The following PVT1 variants were observed in gnomAD, a reference collection of about 807,000 sequenced individuals.
PVT1 encodes the protein CXCR4/PVT1 fusion.
Position 128,027,376 on chromosome 8 carries a change from G to T in PVT1, n.912+38085G>T, listed in dbSNP as rs867723991. Among the ~76,000 whole-genome samples, 14 of 152,232 alleles carry T rather than the reference G, an allele frequency of 9.2e-5. 1 individual carries two copies. Among genetic ancestry groups the T allele is most frequent in the African/African-American group, 3.4e-4 (14 of 41,456 alleles). ...ACCCACAAGGTGGTGATTCCCTTGG[G>T]AGTGGGCAGCATGCAGTCAGAAGGG... On this transcript the variant is annotated intron_variant and non_coding_transcript_variant, in intron 4 of 10. Coordinates refer to ENST00000651587, the Ensembl canonical transcript of PVT1.
At chr8:127,879,095 G>C (rs1815436618) in intron 2 of PVT1, among the ~76,000 whole-genome samples, 1 of 152,210 alleles carries the variant, frequency 6.6e-6, no homozygotes, top group Admixed American at 6.5e-5. Flanking sequence ...TTGATGCTTT[G>C]GAAATCTCTA....
intron 3 of PVT1, among the ~76,000 whole-genome samples, chr8:127,958,818 G>T (rs1305699801): frequency 6.6e-6 from 1 of 152,156 alleles, no homozygotes; most frequent in African/African-American, 2.4e-5. Context: ...TAGCACGAAT[G>T]ATCCCATAGC....
intron 3 of PVT1, among the ~76,000 whole-genome samples, chr8:127,973,721 G>A (rs147194033): frequency 0.038 from 5,387 of 143,560 alleles, 314 homozygotes; most frequent in African/African-American, 0.13. Context: ...GCTCACACCT[G>A]TAATCCCAGC....
chr8:128,001,132 G>T (rs1410952049), intron 4 of PVT1, among the ~76,000 whole-genome samples: 2 of 152,050 alleles, frequency 1.3e-5, no homozygotes, highest in Non-Finnish European at 2.9e-5. Context: ...CCACCCCACC[G>T]CCTACCGCCC....
At chr8:127,872,688 G>A (rs1815364117) in intron 2 of PVT1, among the ~76,000 whole-genome samples, 1 of 152,190 alleles carries the variant, frequency 6.6e-6, no homozygotes, top group South Asian at 2.1e-4. Flanking sequence ...CTGTACTTTG[G>A]CAGAGAATTT....
chr8:128,011,574 C>G (rs963998107), intron 4 of PVT1, among the ~76,000 whole-genome samples: 1 of 152,172 alleles, frequency 6.6e-6, no homozygotes, highest in African/African-American at 2.4e-5. Context: ...GTCTTCAGAA[C>G]TGTAAGAAAA....
At chr8:128,045,333 T>C (rs1407437985) in intron 4 of PVT1, among the ~76,000 whole-genome samples, 2 of 152,256 alleles carry the variant, frequency 1.3e-5, no homozygotes, top group African/African-American at 4.8e-5. Flanking sequence ...AAACTTTTTA[T>C]GTTCCATTGA....
At chr8:127,875,663 G>A (rs1476724341) in intron 2 of PVT1, among the ~76,000 whole-genome samples, 1 of 152,142 alleles carries the variant, frequency 6.6e-6, no homozygotes, top group Admixed American at 6.6e-5. Flanking sequence ...GAGACAAAGG[G>A]AAGTTCCTAG....
intron 2 of PVT1, among the ~76,000 whole-genome samples, chr8:127,822,879 G>C (rs945302071): frequency 2.0e-5 from 3 of 152,148 alleles, no homozygotes; most frequent in African/African-American, 7.2e-5. Flanking sequence ...GACAGCAGCT[G>C]GGTGTAAATT....
At chr8:128,041,136 G>A (rs1465818554) in intron 4 of PVT1, among the ~76,000 whole-genome samples, 1 of 150,806 alleles carries the variant, frequency 6.6e-6, no homozygotes, top group East Asian at 1.9e-4. Context: ...GCATGTGTGT[G>A]CATGTGTGTT....
chr8:127,985,313 T>A (rs1816956593), intron 3 of PVT1, among the ~76,000 whole-genome samples: 1 of 151,986 alleles, frequency 6.6e-6, no homozygotes, highest in Admixed American at 6.6e-5. Flanking sequence ...ATTACAGGCG[T>A]GAGCCACCGC....
rs189702184 is a variant in PVT1 at position 127,985,618 on chromosome 8, G to A, written n.783-3544G>A. The stretch of plus-strand genomic sequence containing the variant: ...GATTTGATAGAATCTAGCAAGCGTG[G>A]GGGCCAGGCTCTGCTGACTCCCTGT... On this transcript the variant is annotated intron_variant and non_coding_transcript_variant, in intron 3 of 10. Coordinates refer to ENST00000651587, the Ensembl canonical transcript of PVT1. Among the ~76,000 whole-genome samples, 68 of 152,112 alleles carry A rather than the reference G, an allele frequency of 4.5e-4. 2 individuals carry two copies. The highest frequency in any genetic ancestry group is 8.8e-4 in the Non-Finnish European group (60 of 67,978).
intron 3 of PVT1, among the ~76,000 whole-genome samples, chr8:127,936,034 C>CTTTTTTTTTTTTTTT (rs937905808): frequency 9.9e-6 from 1 of 101,270 alleles, no homozygotes; most frequent in African/African-American, 4.2e-5. Context: ...CTCTCTCTCT[C>CTTTTTTTTTTTTTTT]TTTTTTTTTT....
Position 127,902,282 on chromosome 8 carries a change from A to G in PVT1, n.782+11284A>G, listed in dbSNP as rs1815768404. 2.0e-5 allele frequency among the ~76,000 whole-genome samples: 3 copies of G among 152,252 alleles called. No individual in the cohort carries two copies. In the South Asian group the frequency reaches 6.2e-4, roughly 32 times the overall value. On this transcript the variant is annotated intron_variant and non_coding_transcript_variant, in intron 3 of 10. Coordinates refer to ENST00000651587, the Ensembl canonical transcript of PVT1. ...CCCTACCTGTGAATTGAATGATACCACTGAGCATCAAGCACTTTGACAGTT... is the reference window on the plus strand; with the variant it reads ...CCCTACCTGTGAATTGAATGATACCGCTGAGCATCAAGCACTTTGACAGTT...
intron 6 of PVT1, among the ~76,000 whole-genome samples, chr8:128,097,300 G>C (rs1218011416): frequency 7.1e-6 from 1 of 140,202 alleles, no homozygotes; most frequent in South Asian, 2.5e-4. Context: ...GGTGGAGGTT[G>C]CAGGGAGCTG....
intron 2 of PVT1, among the ~76,000 whole-genome samples, chr8:127,844,550 G>A (rs1323197119): frequency 6.6e-6 from 1 of 152,114 alleles, no homozygotes; most frequent in African/African-American, 2.4e-5. Flanking sequence ...CCTCCCCCAG[G>A]AAGTTCTCCC....
intron 2 of PVT1, among the ~76,000 whole-genome samples, chr8:127,802,831 AAAG>A (rs1272486809): frequency 2.0e-5 from 3 of 152,076 alleles, no homozygotes; most frequent in African/African-American, 7.2e-5. Flanking sequence ...GCTAGGAGAG[AAAG>A]AAGGCAGGTT....
intron 3 of PVT1, among the ~76,000 whole-genome samples, chr8:127,906,462 T>C (rs1045476351): frequency 1.9e-4 from 29 of 152,168 alleles, no homozygotes; most frequent in African/African-American, 6.8e-4. Context: ...AATGTTTAGA[T>C]AGCACCGAAG....
chr8:127,941,394 C>G (rs1055154024), intron 3 of PVT1, among the ~76,000 whole-genome samples: 6 of 152,162 alleles, frequency 3.9e-5, no homozygotes, highest in African/African-American at 7.2e-5. Context: ...ACATGGGCAT[C>G]TCTTTGATTG....
Sources: gnomAD v4.1 joint callset for allele counts (sites outside exome capture counted in the v4.1 genomes callset) on GRCh38, gnomAD v4.1.1 for gene constraint, MANE v1.5 for transcripts, NCBI Gene and HGNC (gene_info 2026-07-23, HGNC 2026-07-21) for gene names.